The following NELL1 variants were observed in gnomAD, a reference collection of about 807,000 sequenced individuals.
NELL1 encodes the protein neural EGFL like 1, also known as protein kinase C-binding protein NELL1.
NELL1 carries 76 observed loss-of-function variants against 107.4 expected under a neutral mutation model. The observed-to-expected ratio is 0.71, with a 90% CI of 0.59 to 0.86. The LOEUF is 0.86. NELL1 is among the 40% of genes least tolerant of loss of function. The probability of loss-of-function intolerance (pLI) is 0.00; values close to 1 mark genes in which losing one functional copy is unlikely to be tolerated. For missense variants in NELL1, 1,024 were observed against 1,005.5 expected (o/e 1.02, Z -0.25); for synonymous variants, 353 against 341.2 (o/e 1.03, Z -0.38).
At chr11:21,152,694 C>A (rs1856145805) in intron 13 of NELL1, among the ~76,000 whole-genome samples, 1 of 152,010 alleles carries the variant, frequency 6.6e-6, no homozygotes, top group South Asian at 2.1e-4. Context: ...AATGAGAATT[C>A]CCTCATATGA....
intron 10 of NELL1, among the ~76,000 whole-genome samples, chr11:20,942,370 C>G (rs1414709271): frequency 6.6e-6 from 1 of 152,096 alleles, no homozygotes; most frequent in Non-Finnish European, 1.5e-5. Context: ...TCAGTGGGTA[C>G]TGGGTGTAGG....
intron 13 of NELL1, among the ~76,000 whole-genome samples, chr11:21,185,170 A>G (rs536042055): frequency 2.6e-5 from 4 of 151,966 alleles, no homozygotes; most frequent in Admixed American, 2.6e-4. Context: ...CATATTGTAA[A>G]AGAATGTTTT....
At chr11:20,732,167 A>G (rs761835214) in intron 2 of NELL1, among the ~76,000 whole-genome samples, 4 of 151,946 alleles carry the variant, frequency 2.6e-5, no homozygotes, top group Non-Finnish European at 5.9e-5. Flanking sequence ...TTCTGGAGGA[A>G]TGGGTGATCT....
intron 12 of NELL1, among the ~76,000 whole-genome samples, chr11:20,984,267 T>G (rs767235518): frequency 4.6e-5 from 7 of 152,308 alleles, no homozygotes; most frequent in Non-Finnish European, 8.8e-5. Flanking sequence ...ATATATTATG[T>G]AAGTAATAAA....
chr11:21,173,226 C>T (rs936248476), intron 13 of NELL1, among the ~76,000 whole-genome samples: 10 of 151,644 alleles, frequency 6.6e-5, no homozygotes, highest in South Asian at 6.2e-4. Context: ...AAAAGAGTTA[C>T]GTGACGGTAG....
intron 14 of NELL1, among the ~76,000 whole-genome samples, chr11:21,263,353 G>T (rs2133925152): frequency 1.3e-5 from 2 of 152,028 alleles, no homozygotes; most frequent in Admixed American, 1.3e-4. Flanking sequence ...AATTCAATGT[G>T]GGGTAACGGC....
intron 2 of NELL1, among the ~76,000 whole-genome samples, chr11:20,771,151 C>T (rs1040766092): frequency 5.3e-5 from 8 of 152,120 alleles, no homozygotes; most frequent in Non-Finnish European, 1.2e-4. Flanking sequence ...AGTCATGTCC[C>T]TCACCACTGA....
At chr11:20,760,558 G>A (rs766491885) in intron 2 of NELL1, among the ~76,000 whole-genome samples, 2 of 152,148 alleles carry the variant, frequency 1.3e-5, no homozygotes, top group Non-Finnish European at 2.9e-5. Flanking sequence ...GTCCTCAAGG[G>A]CATGGATGGA....
At chr11:21,060,346 C>T (rs1402123562) in intron 12 of NELL1, among the ~76,000 whole-genome samples, 2 of 152,136 alleles carry the variant, frequency 1.3e-5, no homozygotes, top group East Asian at 3.8e-4. Context: ...TCAAACTATG[C>T]ATGTTAATAG....
rs534268839 is a variant in NELL1 at position 21,566,259 on chromosome 11, C to T, written c.1981-4505C>T. Among the ~76,000 whole-genome samples the T allele has an allele frequency of 4.3e-4, 65 of 151,778 alleles. 1 individual carries two copies. The highest frequency in any genetic ancestry group is 1.5e-3 in the African/African-American group (62 of 41,410). Reference sequence around the variant, plus strand: ...AAATAATCTGACCTACGTCCACCTTCTTGATTTAAAAGTTTCAAAACTCTA... The same window carrying T: ...AAATAATCTGACCTACGTCCACCTTTTTGATTTAAAAGTTTCAAAACTCTA... On this transcript the variant is annotated intron_variant, in intron 17 of 19. Transcript: ENST00000357134.
intron 14 of NELL1, among the ~76,000 whole-genome samples, chr11:21,246,470 A>C (rs1858494625): frequency 1.3e-5 from 2 of 152,170 alleles, no homozygotes; most frequent in African/African-American, 4.8e-5. Flanking sequence ...GTATTACTTA[A>C]TGATGGAGAT....
chr11:20,957,968 G>A (rs1196269923), intron 11 of NELL1, among the ~76,000 whole-genome samples: 2 of 152,144 alleles, frequency 1.3e-5, no homozygotes, highest in Non-Finnish European at 2.9e-5. Flanking sequence ...AGAGAAAAAC[G>A]TGGAAAGGGA....
intron 15 of NELL1, among the ~76,000 whole-genome samples, chr11:21,462,227 TA>T (rs1853916894): frequency 6.6e-6 from 1 of 152,092 alleles, no homozygotes; most frequent in Non-Finnish European, 1.5e-5. Flanking sequence ...CTAGGCCAAA[TA>T]AATATAACTA....
At chr11:21,312,283 T>TA (rs1377693901) in intron 14 of NELL1, among the ~76,000 whole-genome samples, 1 of 152,200 alleles carries the variant, frequency 6.6e-6, no homozygotes, top group East Asian at 1.9e-4. Context: ...GGTGAGTCCC[T>TA]ACTCTTAGCA....
chr11:20,870,334 C>T (rs1030407501), intron 4 of NELL1, among the ~76,000 whole-genome samples: 13 of 151,976 alleles, frequency 8.6e-5, no homozygotes, highest in Non-Finnish European at 8.8e-5. Flanking sequence ...TTTCCTTCTT[C>T]GAATTCTCTC....
At chr11:21,368,955 A>G (rs1851295826) in intron 14 of NELL1, among the ~76,000 whole-genome samples, 1 of 152,056 alleles carries the variant, frequency 6.6e-6, no homozygotes, top group Non-Finnish European at 1.5e-5. Context: ...GCACATCCTT[A>G]GAACATCACA....
intron 1 of NELL1, chr11:20,674,465 C>T (rs567667808): frequency 6.5e-7 from 1 of 1,533,462 alleles, no homozygotes; most frequent in South Asian, 1.2e-5. Flanking sequence ...CACACGGTAA[C>T]CCAAAACATG....
At chr11:20,817,316 C>T (rs114315331) in intron 3 of NELL1, among the ~76,000 whole-genome samples, 2,160 of 152,102 alleles carry the variant, frequency 0.014, 59 homozygotes, top group African/African-American at 0.049. Context: ...AATTTCAGAT[C>T]TTGATGTTGG....
chr11:20,679,229 C>G (rs951199), intron 2 of NELL1, among the ~76,000 whole-genome samples: 97,367 of 151,998 alleles, frequency 0.64, 32,401 homozygotes, highest in Middle Eastern at 0.8. Context: ...CCATAGGCCA[C>G]TTAACAGCTT....
Sources: gnomAD v4.1 joint callset for allele counts (sites outside exome capture counted in the v4.1 genomes callset) on GRCh38, gnomAD v4.1.1 for gene constraint, MANE v1.5 for transcripts, NCBI Gene and HGNC (gene_info 2026-07-23, HGNC 2026-07-21) for gene names.